ANKS1B: variants seen among roughly 807,000 people sequenced by gnomAD.
The protein encoded by ANKS1B is ankyrin repeat and sterile alpha motif domain-containing protein 1B.
ANKS1B carries 36 observed loss-of-function variants against 148.3 expected under a neutral mutation model. That is an observed-to-expected ratio of 0.24 (90% CI 0.19 to 0.32). The LOEUF is 0.32. ANKS1B is among the 10% of genes least tolerant of loss of function. ANKS1B has a pLI of 1.00. For synonymous variants in ANKS1B, 542 were observed against 560.8 expected (o/e 0.97, Z 0.47); for missense variants, 1,157 against 1,542.6 (o/e 0.75, Z 4.19).
intron 9 of ANKS1B, among the ~76,000 whole-genome samples, chr12:99,511,592 C>T (rs1441033428): frequency 1.3e-5 from 2 of 151,826 alleles, no homozygotes; most frequent in Admixed American, 6.6e-5. Flanking sequence ...CCAAAAGGAG[C>T]CCGAATAGCC....
rs982295973 is a variant in ANKS1B, at chr12:99,487,420, G to A, written c.1438+17056C>T. The stretch of plus-strand genomic sequence containing the variant: ...TCATGACATAGACATGCTTTTCTAT[G>A]TTTGTATATTAAAGGATATATACTG... On this transcript the variant is annotated intron_variant, in intron 10 of 26. Coordinates refer to ENST00000683438, the MANE Select transcript of ANKS1B (RefSeq NM_001352186.2). 8.6e-5 allele frequency among the ~76,000 whole-genome samples: 13 copies of A among 152,022 alleles called. 1 individual carries two copies. Among genetic ancestry groups the A allele is most frequent in the Admixed American group, 3.9e-4 (6 of 15,268 alleles).
intron 12 of ANKS1B, among the ~76,000 whole-genome samples, chr12:99,251,131 C>T (rs1453533874): frequency 2.6e-5 from 4 of 152,270 alleles, no homozygotes; most frequent in Middle Eastern, 3.4e-3. Context: ...ATTACCATCA[C>T]TTTGGGGGCT....
intron 12 of ANKS1B, among the ~76,000 whole-genome samples, chr12:99,248,863 A>G (rs2074215680): frequency 1.3e-5 from 2 of 152,214 alleles, no homozygotes; most frequent in African/African-American, 4.8e-5. Context: ...CCATAGGACA[A>G]GCAAGTAGGC....
At chr12:99,122,671 G>A (rs1365602967) in intron 15 of ANKS1B, among the ~76,000 whole-genome samples, 2 of 152,124 alleles carry the variant, frequency 1.3e-5, no homozygotes, top group Non-Finnish European at 2.9e-5. Context: ...ATAAACGCTT[G>A]CTGGCAGCCA....
chr12:99,187,090 G>A (rs1200373010), intron 14 of ANKS1B, among the ~76,000 whole-genome samples: 1 of 151,804 alleles, frequency 6.6e-6, no homozygotes, highest in African/African-American at 2.4e-5. Context: ...GGATATCAGA[G>A]ATTGAAGATC....
intron 10 of ANKS1B, among the ~76,000 whole-genome samples, chr12:99,446,951 T>G: frequency 6.6e-6 from 1 of 152,064 alleles, no homozygotes; most frequent in Admixed American, 6.6e-5. Flanking sequence ...TCTGGACATG[T>G]GTTGAAATGT....
At chr12:99,005,200 A>G in intron 17 of ANKS1B, among the ~76,000 whole-genome samples, 1 of 152,218 alleles carries the variant, frequency 6.6e-6, no homozygotes, top group East Asian at 1.9e-4. Context: ...TAAACAGGGA[A>G]CAAATGCGGG....
intron 10 of ANKS1B, among the ~76,000 whole-genome samples, chr12:99,457,297 G>A (rs963525827): frequency 6.6e-5 from 10 of 150,584 alleles, no homozygotes; most frequent in East Asian, 1.9e-4. Context: ...ACAAATCCTC[G>A]AAATACACCA....
At chr12:99,916,193 T>A (rs2094164858) in intron 1 of ANKS1B, among the ~76,000 whole-genome samples, 1 of 152,198 alleles carries the variant, frequency 6.6e-6, no homozygotes, top group Admixed American at 6.5e-5. Context: ...AAGGGGAGGC[T>A]AAGTCCTCTT....
intron 9 of ANKS1B, among the ~76,000 whole-genome samples, chr12:99,541,424 T>C (rs1019364752): frequency 1.3e-5 from 2 of 152,190 alleles, no homozygotes; most frequent in African/African-American, 4.8e-5. Context: ...AAAATAATTA[T>C]ATATCATGAC....
At chr12:99,461,429 T>TAAA (rs377620401) in intron 10 of ANKS1B, among the ~76,000 whole-genome samples, 4 of 150,638 alleles carry the variant, frequency 2.7e-5, no homozygotes, top group African/African-American at 9.7e-5. Context: ...CTATTAAAAT[T>TAAA]AAAAAAAAAG....
intron 9 of ANKS1B, among the ~76,000 whole-genome samples, chr12:99,535,393 G>A (rs2097055635): frequency 6.6e-6 from 1 of 152,166 alleles, no homozygotes; most frequent in South Asian, 2.1e-4. Context: ...GCAGATTAAT[G>A]TCACTGTCTC....
At chr12:98,814,860 T>A (rs981780375) in intron 19 of ANKS1B, among the ~76,000 whole-genome samples, 2 of 152,212 alleles carry the variant, frequency 1.3e-5, no homozygotes, top group Non-Finnish European at 2.9e-5. Context: ...CAACACACAT[T>A]TGAAGGTGTA....
intron 17 of ANKS1B, among the ~76,000 whole-genome samples, chr12:98,847,453 T>C (rs571276945): frequency 1.1e-4 from 16 of 152,354 alleles, no homozygotes; most frequent in Non-Finnish European, 1.8e-4. Flanking sequence ...TTCTTTTTCA[T>C]GGCCAAATAA....
intron 17 of ANKS1B, among the ~76,000 whole-genome samples, chr12:98,928,505 C>A (rs987004864): frequency 3.9e-5 from 6 of 151,902 alleles, no homozygotes; most frequent in African/African-American, 1.4e-4. Flanking sequence ...ATCAATATAT[C>A]TTATGCATAT....
intron 15 of ANKS1B, among the ~76,000 whole-genome samples, chr12:99,104,052 G>A (rs894273861): frequency 2.6e-5 from 4 of 152,186 alleles, no homozygotes; most frequent in African/African-American, 9.7e-5. Flanking sequence ...TATTCTGCTA[G>A]GTTTCTTGCA....
intron 15 of ANKS1B, among the ~76,000 whole-genome samples, chr12:99,120,802 G>A (rs940179771): frequency 4.6e-5 from 7 of 152,110 alleles, no homozygotes; most frequent in Admixed American, 2.0e-4. Context: ...GGGCATCCAC[G>A]TGGAAAAACA....
In ANKS1B at chr12:99,425,403, A is replaced by C. The variant is rs1473306128; in HGVS notation, c.1575+18270T>G. Among the ~76,000 whole-genome samples the C allele has an allele frequency of 1.3e-5, 2 of 151,964 alleles. 1 individual carries two copies. Among genetic ancestry groups the C allele is most frequent in the Non-Finnish European group, 2.9e-5 (2 of 67,916 alleles). Reference sequence around the variant, plus strand: ...AAATAGTAGTACAATGAATTATTTTACAGAATTGTTTCCTCTTTCTGGGCA... The same window carrying C: ...AAATAGTAGTACAATGAATTATTTTCCAGAATTGTTTCCTCTTTCTGGGCA... On this transcript the variant is annotated intron_variant, in intron 11 of 26. Coordinates refer to ENST00000683438, the MANE Select transcript of ANKS1B (RefSeq NM_001352186.2).
chr12:99,857,483 A>C (rs1047311822), intron 1 of ANKS1B, among the ~76,000 whole-genome samples: 1 of 152,172 alleles, frequency 6.6e-6, no homozygotes, highest in Non-Finnish European at 1.5e-5. Context: ...CTACAAATTC[A>C]GTACAATTCC....
Sources: allele counts gnomAD v4.1 joint callset (sites outside exome capture counted in the v4.1 genomes callset), GRCh38; gene constraint gnomAD v4.1.1; transcripts MANE v1.5; gene names NCBI Gene and HGNC (gene_info 2026-07-23, HGNC 2026-07-21).